The following EDIL3 variants were observed in gnomAD, a reference collection of about 807,000 sequenced individuals.
The protein encoded by EDIL3 is EGF like and discoidin domains 3, also known as EGF-like repeat and discoidin I-like domain-containing protein 3.
EDIL3 carries 37 observed loss-of-function variants against 67.4 expected under a neutral mutation model. The ratio of observed to expected loss-of-function variants is 0.55; its 90% CI spans 0.42 to 0.72. EDIL3 has a LOEUF of 0.72. Among genes scored for constraint, EDIL3 ranks in the 30% least tolerant of loss-of-function variants. The pLI, the probability that EDIL3 is intolerant of heterozygous loss-of-function variation, is 0.00. For missense variants in EDIL3, 527 were observed against 586.3 expected (o/e 0.90, Z 1.04); for synonymous variants, 195 against 196.3 (o/e 0.99, Z 0.05).
At chr5:84,377,235 C>T (rs1747985687) in intron 1 of EDIL3, among the ~76,000 whole-genome samples, 2 of 151,594 alleles carry the variant, frequency 1.3e-5, no homozygotes, top group South Asian at 2.1e-4. Flanking sequence ...ATGGTGTGAA[C>T]CCGGGAGGCG....
intron 6 of EDIL3, among the ~76,000 whole-genome samples, chr5:84,088,734 G>A (rs1170730730): frequency 6.6e-6 from 1 of 152,090 alleles, no homozygotes; most frequent in Non-Finnish European, 1.5e-5. Context: ...GGAAAAAGGA[G>A]AGCTTGATTA....
chr5:84,141,347 CCTT>C (rs1748184765), intron 4 of EDIL3, among the ~76,000 whole-genome samples: 1 of 150,358 alleles, frequency 6.7e-6, no homozygotes, highest in Non-Finnish European at 1.5e-5. Flanking sequence ...TTGCTGCCAA[CCTT>C]CTTGTGTCAC....
At chr5:84,080,298 CAAAAA>C (rs369961167) in intron 6 of EDIL3, among the ~76,000 whole-genome samples, 1 of 54,284 alleles carries the variant, frequency 1.8e-5, no homozygotes. Flanking sequence ...GACTCTGTCT[CAAAAA>C]AAAAAAAAAA....
intron 1 of EDIL3, among the ~76,000 whole-genome samples, chr5:84,377,848 C>G (rs1747999127): frequency 6.6e-6 from 1 of 152,202 alleles, no homozygotes; most frequent in Admixed American, 6.5e-5. Context: ...CAACCACATT[C>G]AAAAGTGCTT....
intron 9 of EDIL3, among the ~76,000 whole-genome samples, chr5:84,053,890 A>C (rs1324806268): frequency 3.3e-5 from 5 of 152,122 alleles, no homozygotes; most frequent in Non-Finnish European, 7.4e-5. Context: ...CAAGGAGGAG[A>C]TGGTACCATT....
At chr5:84,051,715 G>A (rs551164002) in intron 9 of EDIL3, among the ~76,000 whole-genome samples, 1 of 152,316 alleles carries the variant, frequency 6.6e-6, no homozygotes, top group South Asian at 2.1e-4. Flanking sequence ...ATCAGTGACT[G>A]AAGATCAAAT....
chr5:84,121,299 G>A (rs1190145340), intron 5 of EDIL3, among the ~76,000 whole-genome samples: 1 of 151,918 alleles, frequency 6.6e-6, no homozygotes, highest in Non-Finnish European at 1.5e-5. Flanking sequence ...AATATTTTAA[G>A]TGAAGTTGTG....
intron 4 of EDIL3, among the ~76,000 whole-genome samples, chr5:84,164,971 A>G (rs1315874833): frequency 6.6e-6 from 1 of 152,076 alleles, no homozygotes; most frequent in African/African-American, 2.4e-5. Flanking sequence ...CACAGAAAGA[A>G]AATCAGCAAG....
At chr5:84,001,997 A>C (rs1745339612) in intron 9 of EDIL3, among the ~76,000 whole-genome samples, 1 of 152,180 alleles carries the variant, frequency 6.6e-6, no homozygotes, top group South Asian at 2.1e-4. Flanking sequence ...GAAAACTATA[A>C]GCCAATATCT....
intron 6 of EDIL3, among the ~76,000 whole-genome samples, chr5:84,070,701 C>T (rs1464097935): frequency 1.3e-5 from 2 of 150,640 alleles, no homozygotes; most frequent in Admixed American, 6.6e-5. Flanking sequence ...GGGTTCTTGA[C>T]AAGACAGCAA....
At chr5:84,122,200 G>A (rs1205665246) in intron 5 of EDIL3, among the ~76,000 whole-genome samples, 2 of 151,808 alleles carry the variant, frequency 1.3e-5, no homozygotes, top group African/African-American at 4.8e-5. Flanking sequence ...CCTTGTTTAG[G>A]TGGACTGTCC....
intron 1 of EDIL3, among the ~76,000 whole-genome samples, chr5:84,267,201 T>C (rs1745368358): frequency 1.3e-5 from 2 of 152,196 alleles, no homozygotes; most frequent in Admixed American, 1.3e-4. Flanking sequence ...TCAAGGTCTC[T>C]TCATTCTCTA....
chr5:84,294,109 T>C (rs1208453229), intron 1 of EDIL3, among the ~76,000 whole-genome samples: 2 of 150,942 alleles, frequency 1.3e-5, no homozygotes, highest in Non-Finnish European at 2.9e-5. Flanking sequence ...ATCGGCCGGG[T>C]GCGGTGGCTC....
At position 84,042,433 on chromosome 5, in the gene EDIL3, C is replaced by G. The variant is rs140208836; in HGVS notation, c.1137+17867G>C. On this transcript the variant is annotated intron_variant, in intron 9 of 10. Transcript: ENST00000296591. ...AGTAGTTGAGATTACAGGTGCCCGC[C>G]ACCATGCCTGGTTAATTTTTGTATT... Among the ~76,000 whole-genome samples the G allele has an allele frequency of 5.6e-3, 850 of 152,150 alleles. 10 individuals are homozygous for G. Among genetic ancestry groups the G allele is most frequent in the African/African-American group, 0.02 (815 of 41,512 alleles).
intron 3 of EDIL3, among the ~76,000 whole-genome samples, chr5:84,201,363 A>G (rs2112378354): frequency 6.6e-6 from 1 of 152,230 alleles, no homozygotes; most frequent in East Asian, 1.9e-4. Context: ...TGTATTTACA[A>G]TCTATGGATT....
chr5:83,948,964 A>G (rs1329405146), intron 10 of EDIL3, among the ~76,000 whole-genome samples: 1 of 151,880 alleles, frequency 6.6e-6, no homozygotes, highest in Admixed American at 6.6e-5. Context: ...TCCGGATGTA[A>G]TAAGGAAACA....
intron 9 of EDIL3, among the ~76,000 whole-genome samples, chr5:84,008,785 A>G (rs557831144): frequency 1.1e-4 from 17 of 152,086 alleles, no homozygotes; most frequent in Admixed American, 1.1e-3. Flanking sequence ...GAGAGGGAAT[A>G]TCTTAAGGAT....
rs148001004 is a variant in EDIL3 at position 84,094,461 on chromosome 5, C to T, written c.651+12188G>A. 2.6e-4 allele frequency among the ~76,000 whole-genome samples: 40 copies of T among 151,724 alleles called. No homozygotes were observed. The East Asian group carries it at 6.4e-3, about 24-fold the overall frequency. On this transcript the variant is annotated intron_variant, in intron 6 of 10. Coordinates refer to ENST00000296591, the MANE Select transcript of EDIL3 (RefSeq NM_005711.5). ...CACTTGAATAAGGCAGTATTAAAAA[C>T]GAATTAGATTGTATGTAATTCAGCT...
intron 1 of EDIL3, among the ~76,000 whole-genome samples, chr5:84,305,681 C>T (rs1746252032): frequency 6.6e-6 from 1 of 152,160 alleles, no homozygotes; most frequent in African/African-American, 2.4e-5. Flanking sequence ...AGACGGAAAC[C>T]ATCCTGGCCA....
Sources: gnomAD v4.1 joint callset for allele counts (sites outside exome capture counted in the v4.1 genomes callset) on GRCh38, gnomAD v4.1.1 for gene constraint, MANE v1.5 for transcripts, NCBI Gene and HGNC (gene_info 2026-07-23, HGNC 2026-07-21) for gene names.